ZNF341: variants seen among roughly 807,000 people sequenced by gnomAD.
ZNF341 encodes zinc finger protein 341.
A neutral mutation model predicts 87.7 loss-of-function variants in ZNF341; 52 were observed. That is an observed-to-expected ratio of 0.59 (90% CI 0.47 to 0.75). The LOEUF is 0.75. Among genes scored for constraint, ZNF341 ranks in the 30% least tolerant of loss-of-function variants. The pLI is 0.00. For missense variants in ZNF341, 977 were observed against 1,145.9 expected (o/e 0.85, Z 2.13); for synonymous variants, 459 against 472.7 (o/e 0.97, Z 0.38).
Position 33,791,362 on chromosome 20 carries a change from G to A in ZNF341, c.2410G>A (p.Val804Ile), listed in dbSNP as rs199525160. The stretch of plus-strand genomic sequence containing the variant: ...AGAGCCGGACGCGGTGCTGTCCATC[G>A]TTGTGGGTGGTGCGGTGGGCGCGGA... ...FAEPDAVLSI[V>I]VGGAVGAETE... The change falls in exon 15 of 15, where the codon GTT becomes ATT. Residue 804 changes from valine (V) to isoleucine (I), a missense_variant. By Grantham distance (29) the Val-to-Ile change is conservative. Coordinates refer to ENST00000375200, the MANE Select transcript of ZNF341 (RefSeq NM_001282933.2). 1.1e-4 allele frequency: 181 copies of A among 1,612,574 alleles called. 1 individual carries two copies. Among genetic ancestry groups the A allele is most frequent in the Admixed American group, 4.0e-4 (24 of 59,972 alleles).
chr20:33,736,321 T>A (rs144436029), intron 1 of ZNF341, among the ~76,000 whole-genome samples: 1 of 152,074 alleles, frequency 6.6e-6, no homozygotes, highest in East Asian at 1.9e-4. Context: ...ACGCCTGACC[T>A]AACCAATCCC....
At chr20:33,773,373 A>G (rs151330939) in intron 10 of ZNF341, among the ~76,000 whole-genome samples, 161 of 152,224 alleles carry the variant, frequency 1.1e-3, no homozygotes, top group African/African-American at 3.7e-3. Context: ...CCCTTTGTAG[A>G]CATTGGAGCT....
rs2020012188 is a variant in ZNF341, at chr20:33,791,132, A to G, written c.2180A>G (p.Lys727Arg). 6.2e-7 allele frequency: 1 copy of G among 1,613,170 alleles called. No individual in the cohort carries two copies. The highest frequency in any genetic ancestry group is 1.3e-5 in the African/African-American group (1 of 74,930). Residue 727 changes from lysine to arginine, a missense_variant, in exon 15 of 15, where the codon AAA becomes AGA. This residue lies in a region of ZNF341 where 221 missense variants were observed against 212.7 expected (regional missense o/e 1.04). Transcript: ENST00000375200. ...GGCTTTTCCCGCCACAAATACCTCA[A>G]AGATCACCGCTGTCGTCTCGGCCCC... ...AKGFSRHKYLKDHRCRLGPQK... is the reference protein window; with the variant it reads ...AKGFSRHKYLRDHRCRLGPQK...
At chr20:33,746,903 G>T (rs1029544306) in intron 3 of ZNF341, among the ~76,000 whole-genome samples, 1 of 152,136 alleles carries the variant, frequency 6.6e-6, no homozygotes, top group Non-Finnish European at 1.5e-5. Context: ...AGAAGGTTTT[G>T]GGGGGATGTC....
At position 33,752,246 on chromosome 20, in the gene ZNF341, T is replaced by C. The variant is rs1044502015; in HGVS notation, c.490-926T>C. 3.2e-5 allele frequency: 19 copies of C among 588,190 alleles called. No homozygotes were observed. The Middle Eastern group carries it at 1.2e-3, about 37-fold the overall frequency. The allele number at this position is 588,190 out of a possible 1,614,324, so 36.4% of individuals were successfully genotyped here. A position where few individuals can be genotyped will look rare whatever the true frequency, so the allele number is the denominator to read the frequency against. ...ATAGGTAACCAAAGTATAGAGCTTA[T>C]TTGGTGGATCTTCATCCTCATAACA... On this transcript the variant is annotated intron_variant, in intron 4 of 14. Transcript: ENST00000375200.
At chr20:33,765,990 C>T (rs2019398226) in intron 8 of ZNF341, among the ~76,000 whole-genome samples, 1 of 152,232 alleles carries the variant, frequency 6.6e-6, no homozygotes. Context: ...TCAAGCAATT[C>T]TCCTGCCTCA....
At chr20:33,790,950 G>A (rs775751557) in intron 14 of ZNF341, 38 bp from the exon 15 acceptor site, 29 of 1,582,228 alleles carry the variant, frequency 1.8e-5, no homozygotes, top group Non-Finnish European at 2.2e-5. Flanking sequence ...CGGGGTGAAG[G>A]TCTGGATGCT....
Position 33,749,070 on chromosome 20 carries a change from C to CAG in ZNF341, c.488_489dup (p.Ser164ArgfsTer4). On this transcript the variant is annotated frameshift_variant and splice_region_variant, in exon 4 of 15. Coordinates refer to ENST00000375200, the MANE Select transcript of ZNF341 (RefSeq NM_001282933.2). LOFTEE classifies it high-confidence loss of function. ...CATGCCCCAGGGCCCCCCACCTGTG[C>CAG]AGGTAAGAAGGTGTGGGCTTCTCAC... The CAG allele has an allele frequency of 6.2e-7, 1 of 1,613,094 alleles. No individual in the cohort carries two copies. The highest frequency in any genetic ancestry group is 2.2e-5 in the East Asian group (1 of 44,860).
At chr20:33,734,250 G>A (rs1393932999) in intron 1 of ZNF341, among the ~76,000 whole-genome samples, 3 of 152,232 alleles carry the variant, frequency 2.0e-5, no homozygotes, top group Non-Finnish European at 4.4e-5. Context: ...GGGTGTGGGT[G>A]AACTGCTAGA....
At chr20:33,752,073 C>T (rs1262793847) in intron 4 of ZNF341, 2 of 391,696 alleles carry the variant, frequency 5.1e-6, no homozygotes, top group Non-Finnish European at 9.8e-6. Context: ...AAACCAGATT[C>T]TCAGATCCCA....
At chr20:33,763,423 C>T (rs754166987) in intron 8 of ZNF341, among the ~76,000 whole-genome samples, 17 of 152,092 alleles carry the variant, frequency 1.1e-4, no homozygotes, top group Non-Finnish European at 1.6e-4. Context: ...CTTAGCCTCC[C>T]GAGTAGCTGG....
chr20:33,786,314 C>T (rs1207437175), intron 12 of ZNF341, among the ~76,000 whole-genome samples: 1 of 152,118 alleles, frequency 6.6e-6, no homozygotes, highest in Non-Finnish European at 1.5e-5. Flanking sequence ...TATGTATGAA[C>T]CGTTAAATTA....
chr20:33,740,133 G>A (rs2018769896), intron 1 of ZNF341, among the ~76,000 whole-genome samples: 1 of 152,162 alleles, frequency 6.6e-6, no homozygotes, highest in Non-Finnish European at 1.5e-5. Flanking sequence ...CAGAGTGTTG[G>A]GATTACAGGC....
At chr20:33,740,462 A>G (rs2018775631) in intron 1 of ZNF341, among the ~76,000 whole-genome samples, 1 of 152,092 alleles carries the variant, frequency 6.6e-6, no homozygotes, top group Admixed American at 6.6e-5. Flanking sequence ...GAAATAGAAG[A>G]GAATGTATAT....
chr20:33,762,873 C>A (rs967227816), intron 8 of ZNF341, among the ~76,000 whole-genome samples: 5 of 152,078 alleles, frequency 3.3e-5, no homozygotes, highest in African/African-American at 1.2e-4. Context: ...ACTCATTATT[C>A]TTTATGGCTG....
intron 7 of ZNF341, among the ~76,000 whole-genome samples, chr20:33,759,668 C>T (rs549295160): frequency 6.6e-6 from 1 of 152,272 alleles, no homozygotes; most frequent in South Asian, 2.1e-4. Context: ...TTTGCAATTT[C>T]AGTCCTTAGG....
chr20:33,741,253 G>C (rs888348616), intron 2 of ZNF341, among the ~76,000 whole-genome samples: 5 of 152,172 alleles, frequency 3.3e-5, no homozygotes, highest in Non-Finnish European at 7.3e-5. Context: ...TCAAGATGCA[G>C]GGAATGGCTA....
Position 33,748,942 on chromosome 20 carries a change from T to C in ZNF341, c.359T>C (p.Val120Ala). The part of the protein sequence containing the change: ...ANRQISTYIT[V>A]PPSPLIQTLV... ...GTCCAGATCTCCACATACATCACAG[T>C]GCCCCCGTCCCCACTGATCCAGACC... The change falls in exon 4 of 15, where the codon GTG becomes GCG. Residue 120 changes from valine to alanine, a missense_variant. Transcript: ENST00000375200. The C allele has an allele frequency of 6.2e-7, 1 of 1,613,794 alleles. No homozygotes were observed.
At chr20:33,787,036 G>T (rs190014768) in intron 12 of ZNF341, 47 of 151,736 alleles carry the variant, frequency 3.1e-4, no homozygotes, top group African/African-American at 1.1e-3. Context: ...ATAATACATG[G>T]TTATTATAAA....
Sources: gnomAD v4.1 joint callset for allele counts (sites outside exome capture counted in the v4.1 genomes callset) on GRCh38, gnomAD v4.1.1 for gene constraint, gnomAD v4.1.1 regional missense constraint, MANE v1.5 for transcripts, NCBI Gene and HGNC (gene_info 2026-07-23, HGNC 2026-07-21) for gene names.